ZNF527: variants seen among roughly 807,000 people sequenced by gnomAD.
ZNF527 encodes the protein zinc finger protein 527.
A neutral mutation model predicts 13.5 loss-of-function variants in ZNF527; 5 were observed. The observed-to-expected ratio is 0.37, with a 90% CI of 0.19 to 0.78. The LOEUF (loss-of-function observed/expected upper bound fraction) is 0.78. Ranked by LOEUF, ZNF527 falls within the 30% of genes least tolerant of loss-of-function variation. The pLI is 0.48. For synonymous variants in ZNF527, 209 were observed against 243.1 expected, an observed-to-expected ratio of 0.86 and a Z score of 1.30; for missense variants, 628 against 726.4, an observed-to-expected ratio of 0.86 and a Z score of 1.56.
Position 37,389,062 on chromosome 19 carries a change from C to T in ZNF527, c.1013C>T (p.Ala338Val). 6.2e-7 allele frequency: 1 copy of T among 1,614,236 alleles called. No homozygotes were observed. ...KPYECKECNK[A>V]FRQSAHLAQH... ...TATGAATGTAAGGAATGTAACAAAG[C>T]TTTCAGACAGAGTGCTCACCTTGCT... The change falls in exon 5 of 5, where the codon GCT becomes GTT. Residue 338 changes from alanine to valine, a missense_variant. Physicochemically the swap from Ala to Val is moderately conservative, Grantham distance 64. Around this residue, in one of 3 missense-constraint regions of ZNF527, gnomAD observed 592 missense variants for 678.0 expected, o/e 0.87. Transcript: ENST00000436120.
intron 2 of ZNF527, among the ~76,000 whole-genome samples, chr19:37,378,116 C>T (rs1372592012): frequency 6.6e-6 from 1 of 151,820 alleles, no homozygotes; most frequent in Admixed American, 6.6e-5. Context: ...CTGCAGCCTC[C>T]TCCCGAGTTC....
rs2040731789 is a variant in ZNF527 at position 37,389,441 on chromosome 19, T to C, written c.1392T>C (p.His464=). 1 of 1,614,040 alleles carries C rather than the reference T, an allele frequency of 6.2e-7. No homozygotes were observed. The highest frequency in any genetic ancestry group is 8.5e-7 in the Non-Finnish European group (1 of 1,180,006). The change falls in exon 5 of 5, where the codon CAT becomes CAC. Residue 464 remains histidine, a synonymous_variant. Coordinates refer to ENST00000436120, the MANE Select transcript of ZNF527 (RefSeq NM_032453.2). ...ACCTGAATCAACATCAGAGAATTCA[T>C]ACCGGAGAAAAGCCCTATGAATGCA... ...RSHLNQHQRI[H]TGEKPYECIK... is the part of the protein sequence containing the mutation.
rs1050024983 is a variant in ZNF527, at chr19:37,386,140, C to CTTTTTTTTTTTTTTTTT, written c.257-2160_257-2144dup. On this transcript the variant is annotated intron_variant, in intron 4 of 4. Coordinates refer to ENST00000436120, the MANE Select transcript of ZNF527 (RefSeq NM_032453.2). ...TAGAACTTTCTTTTCTCTTCTTTTC[C>CTTTTTTTTTTTTTTTTT]TTTTTTTTTTTTTTTTTTTTTTGAG... 6.5e-4 allele frequency among the ~76,000 whole-genome samples: 47 copies of CTTTTTTTTTTTTTTTTT among 72,460 alleles called. 3 individuals carry two copies. The highest frequency in any genetic ancestry group is 1.1e-3 in the African/African-American group (17 of 14,850). 47.5% of individuals were successfully genotyped at this position (72,460 alleles called of 152,430 possible). A position where few individuals can be genotyped will look rare whatever the true frequency, so the allele number is the denominator to read the frequency against.
chr19:37,375,949 C>T (rs889588095), intron 2 of ZNF527, among the ~76,000 whole-genome samples: 1 of 152,114 alleles, frequency 6.6e-6, no homozygotes, highest in African/African-American at 2.4e-5. Flanking sequence ...GAGAACTCAC[C>T]GTTGGATTTG....
chr19:37,385,590 T>A, intron 4 of ZNF527: 1 of 362,938 alleles, frequency 2.8e-6, no homozygotes, highest in Admixed American at 4.6e-5. Flanking sequence ...CCAAGTTTAT[T>A]TAAAATAATT....
chr19:37,382,285 GTAGATAGATAGATAGA>G lies in ZNF527; in HGVS notation c.256+1944_256+1959del, dbSNP rs10594777. Among the ~76,000 whole-genome samples, 324 of 149,268 alleles carry G rather than the reference GTAGATAGATAGATAGA, an allele frequency of 2.2e-3. 6 individuals carry two copies. The highest frequency in any genetic ancestry group is 0.017 in the Admixed American group (251 of 14,908). On this transcript the variant is annotated intron_variant, in intron 4 of 4. Coordinates refer to ENST00000436120, the MANE Select transcript of ZNF527 (RefSeq NM_032453.2). Reference sequence around the variant, plus strand: ...AGCTAGGAAACAGATAGATAGATAGGTAGATAGATAGATAGATAGATAGATAGATAGATAGATAGAT... The same window carrying G: ...AGCTAGGAAACAGATAGATAGATAGGTAGATAGATAGATAGATAGATAGAT...
chr19:37,377,019 C>T lies in ZNF527; in HGVS notation c.34-2101C>T, dbSNP rs191307297. ...AATTACATATGTGACTCAAGTATTT[C>T]TGGTGGATAACACTGGTCTAAACAA... On this transcript the variant is annotated intron_variant, in intron 2 of 4. Coordinates refer to ENST00000436120, the MANE Select transcript of ZNF527 (RefSeq NM_032453.2). 2.1e-3 allele frequency among the ~76,000 whole-genome samples: 315 copies of T among 152,032 alleles called. 4 individuals are homozygous for T. The highest frequency in any genetic ancestry group is 3.8e-4 in the Non-Finnish European group (26 of 67,992).
At chr19:37,386,100 T>G (rs558153959) in intron 4 of ZNF527, among the ~76,000 whole-genome samples, 4 of 151,328 alleles carry the variant, frequency 2.6e-5, no homozygotes, top group Non-Finnish European at 5.9e-5. Flanking sequence ...TGGATCTCTG[T>G]CCAGTTCTGT....
At chr19:37,378,660 T>G (rs1215228914) in intron 2 of ZNF527, among the ~76,000 whole-genome samples, 1 of 152,204 alleles carries the variant, frequency 6.6e-6, no homozygotes, top group Non-Finnish European at 1.5e-5. Context: ...TTGCTTCACA[T>G]ATACCTCATT....
At chr19:37,375,278 CTTT>C (rs2040591332) in intron 2 of ZNF527, among the ~76,000 whole-genome samples, 2 of 126,534 alleles carry the variant, frequency 1.6e-5, no homozygotes, top group Admixed American at 8.3e-5. Context: ...TTCTTTCTTT[CTTT>C]CTTTCTTTCT....
intron 4 of ZNF527, chr19:37,384,790 G>A (rs776211424): frequency 1.8e-6 from 1 of 557,176 alleles, no homozygotes; most frequent in Non-Finnish European, 3.3e-6. Flanking sequence ...CATCTTTCCA[G>A]GAATGCATTG....
rs2040564612 is a variant in ZNF527 at position 37,372,395 on chromosome 19, A to T, written c.-42+1169A>T. On this transcript the variant is annotated intron_variant, in intron 1 of 4. Coordinates refer to ENST00000436120, the MANE Select transcript of ZNF527 (RefSeq NM_032453.2). ...CAAAGTAGTCCAGAATTAGGGGGTG[A>T]AATTAGGGGGTGATGTATACTGAAT... is the stretch of plus-strand genomic sequence containing the variant. Among the ~76,000 whole-genome samples, 3 of 151,398 alleles carry T rather than the reference A, an allele frequency of 2.0e-5. No individual in the cohort carries two copies. The South Asian group carries it at 6.3e-4, about 32-fold the overall frequency.
intron 2 of ZNF527, among the ~76,000 whole-genome samples, chr19:37,378,879 G>T (rs924095800): frequency 6.6e-6 from 1 of 152,058 alleles, no homozygotes; most frequent in Non-Finnish European, 1.5e-5. Flanking sequence ...GCTGTTTCTT[G>T]TTATAAGCTA....
intron 4 of ZNF527, among the ~76,000 whole-genome samples, chr19:37,381,434 T>C (rs1200909926): frequency 1.3e-5 from 2 of 152,220 alleles, no homozygotes; most frequent in Non-Finnish European, 2.9e-5. Flanking sequence ...ATTTATCTGA[T>C]ATTTTCTCAT....
At position 37,389,318 on chromosome 19, in the gene ZNF527, C is replaced by A. The variant is rs1334358624; in HGVS notation, c.1269C>A (p.Phe423Leu). The A allele has an allele frequency of 6.2e-7, 1 of 1,614,080 alleles. No homozygotes were observed. The highest frequency in any genetic ancestry group is 8.5e-7 in the Non-Finnish European group (1 of 1,180,020). ...PYECNQCGKA[F>L]SRRIALTLHQ... is the part of the protein sequence containing the mutation. ...AATGTAATCAGTGTGGAAAAGCCTT[C>A]AGCAGACGCATAGCCCTTACTCTAC... The change falls in exon 5 of 5, where the codon TTC (phenylalanine) becomes TTA (leucine). Residue 423 changes from phenylalanine to leucine, a missense_variant. Around this residue, in one of 3 missense-constraint regions of ZNF527, gnomAD observed 592 missense variants for 678.0 expected, o/e 0.87. Transcript: ENST00000436120.
chr19:37,388,729 T>G lies in ZNF527; in HGVS notation c.680T>G (p.Phe227Cys). ...ESLIGNECEE[F>C]NQSTYLSKDI... Reference sequence around the variant, plus strand: ...TTGATAGGTAATGAATGTGAAGAATTCAACCAGAGTACGTACCTTAGTAAA... The same window carrying G: ...TTGATAGGTAATGAATGTGAAGAATGCAACCAGAGTACGTACCTTAGTAAA... Residue 227 changes from phenylalanine to cysteine, a missense_variant, in exon 5 of 5, where the codon TTC becomes TGC. Coordinates refer to ENST00000436120, the MANE Select transcript of ZNF527 (RefSeq NM_032453.2). 1 of 1,612,248 alleles carries G rather than the reference T, an allele frequency of 6.2e-7. No individual in the cohort carries two copies. The highest frequency in any genetic ancestry group is 8.5e-7 in the Non-Finnish European group (1 of 1,179,548).
chr19:37,378,611 G>A (rs1568692990), intron 2 of ZNF527, among the ~76,000 whole-genome samples: 1 of 152,112 alleles, frequency 6.6e-6, no homozygotes, highest in Non-Finnish European at 1.5e-5. Context: ...GTTTTTTCCA[G>A]ATTTTTTGCA....
chr19:37,377,297 T>C (rs539076092), intron 2 of ZNF527, among the ~76,000 whole-genome samples: 17 of 152,276 alleles, frequency 1.1e-4, no homozygotes, highest in African/African-American at 4.1e-4. Context: ...GTTTTATTCA[T>C]AGTCACAGAG....
At chr19:37,387,755 C>G (rs527420223) in intron 4 of ZNF527, among the ~76,000 whole-genome samples, 1 of 152,226 alleles carries the variant, frequency 6.6e-6, no homozygotes, top group South Asian at 2.1e-4. Flanking sequence ...TTCCTGGACC[C>G]TGATAAAAAT....
Sources: allele counts gnomAD v4.1 joint callset (sites outside exome capture counted in the v4.1 genomes callset), GRCh38; gene constraint gnomAD v4.1.1; regional missense constraint gnomAD v4.1.1; transcripts MANE v1.5; gene names NCBI Gene and HGNC (gene_info 2026-07-23, HGNC 2026-07-21).